Variants in NALF1 observed in about 807,000 individuals in gnomAD.
NALF1 encodes the protein NALCN channel auxiliary factor 1.
NALF1 carries 3 observed loss-of-function variants against 48.4 expected under a neutral mutation model. The ratio of observed to expected loss-of-function variants is 0.06; its 90% CI spans 0.03 to 0.16. The LOEUF is 0.16. Among genes scored for constraint, NALF1 ranks in the 10% least tolerant of loss-of-function variants. The pLI, the probability that NALF1 is intolerant of heterozygous loss-of-function variation, is 1.00. For missense variants in NALF1, 526 were observed against 571.5 expected, an observed-to-expected ratio of 0.92 and a Z score of 0.81; for synonymous variants, 262 against 245.7, an observed-to-expected ratio of 1.07 and a Z score of -0.62.
At chr13:107,191,265 A>G (rs1476781543) in intron 2 of NALF1, among the ~76,000 whole-genome samples, 1 of 67,764 alleles carries the variant, frequency 1.5e-5, no homozygotes, top group Non-Finnish European at 4.3e-5. Context: ...CTAAATAGTA[A>G]AAAAAAAAAA....
Position 107,164,519 on chromosome 13 carries a change from G to A in NALF1, c.*5978C>T, listed in dbSNP as rs1878620133. ...TATATATATTTTTTGATCTATGAGT[G>A]CCTTAAACAACCACTTTGAAGTTGC... is the stretch of plus-strand genomic sequence containing the variant. On this transcript the variant is annotated 3_prime_UTR_variant, in exon 3 of 3. Coordinates refer to ENST00000375915, the MANE Select transcript of NALF1 (RefSeq NM_001080396.3). 6.6e-6 allele frequency: 1 copy of A among 151,930 alleles called. No individual in the cohort carries two copies. 9.4% of individuals were successfully genotyped at this position (151,930 alleles called of 1,614,324 possible). A position where few individuals can be genotyped will look rare whatever the true frequency, so the allele number is the denominator to read the frequency against.
intron 1 of NALF1, among the ~76,000 whole-genome samples, chr13:107,309,510 G>C (rs949960310): frequency 5.3e-5 from 8 of 152,190 alleles, no homozygotes; most frequent in Admixed American, 5.2e-4. Context: ...TTTGATTCGG[G>C]AAAGTGTAAG....
intron 1 of NALF1, among the ~76,000 whole-genome samples, chr13:107,651,220 C>T (rs745836094): frequency 1.8e-4 from 27 of 152,196 alleles, no homozygotes; most frequent in Non-Finnish European, 1.3e-4. Flanking sequence ...TACATAACCT[C>T]TGGCCTTTGA....
chr13:107,300,421 T>C (rs1845646235), intron 1 of NALF1, among the ~76,000 whole-genome samples: 1 of 152,138 alleles, frequency 6.6e-6, no homozygotes, highest in Non-Finnish European at 1.5e-5. Context: ...TTAAACAAGG[T>C]GAGTTATCAT....
At chr13:107,201,075 C>T (rs1387645211) in intron 2 of NALF1, among the ~76,000 whole-genome samples, 1 of 152,194 alleles carries the variant, frequency 6.6e-6, no homozygotes, top group African/African-American at 2.4e-5. Context: ...TGGCTTTTGT[C>T]TCCAGTTCTC....
intron 1 of NALF1, among the ~76,000 whole-genome samples, chr13:107,640,833 G>C (rs571656705): frequency 1.3e-5 from 2 of 152,152 alleles, no homozygotes; most frequent in Admixed American, 6.5e-5. Context: ...GTTTCTCTTA[G>C]ATCTTGAGAC....
chr13:107,530,073 T>C (rs1876576603), intron 1 of NALF1, among the ~76,000 whole-genome samples: 1 of 152,078 alleles, frequency 6.6e-6, no homozygotes, highest in Non-Finnish European at 1.5e-5. Flanking sequence ...TATTCAGCAA[T>C]ATGGGCTCCC....
At chr13:107,823,525 C>T (rs1447692110) in intron 1 of NALF1, among the ~76,000 whole-genome samples, 1 of 152,190 alleles carries the variant, frequency 6.6e-6, no homozygotes, top group African/African-American at 2.4e-5. Flanking sequence ...TCCAGGCTCA[C>T]CTCTGCCAAG....
At chr13:107,562,588 A>C (rs1877679459) in intron 1 of NALF1, among the ~76,000 whole-genome samples, 1 of 152,160 alleles carries the variant, frequency 6.6e-6, no homozygotes, top group Admixed American at 6.5e-5. Context: ...CTGTGGATGG[A>C]TGTGGATCTT....
chr13:107,838,087 G>T (rs143475519), intron 1 of NALF1, among the ~76,000 whole-genome samples: 1 of 152,184 alleles, frequency 6.6e-6, no homozygotes, highest in African/African-American at 2.4e-5. Flanking sequence ...CTCGGCACAA[G>T]AAGTACTTGT....
intron 1 of NALF1, among the ~76,000 whole-genome samples, chr13:107,530,823 A>G (rs766142815): frequency 1.1e-4 from 16 of 152,122 alleles, no homozygotes; most frequent in Non-Finnish European, 1.3e-4. Context: ...TCTAAGTTAT[A>G]TATGAACTAT....
chr13:107,235,817 C>T (rs4442648), intron 1 of NALF1, among the ~76,000 whole-genome samples: 74,120 of 151,962 alleles, frequency 0.49, 19,075 homozygotes, highest in African/African-American at 0.65. Flanking sequence ...CAGAATTACA[C>T]GAAATCACAA....
rs541805096 is a variant in NALF1 at position 107,279,459 on chromosome 13, T to C, written c.916-68704A>G. On this transcript the variant is annotated intron_variant, in intron 1 of 2. Transcript: ENST00000375915. ...TTAGTAGAGACAGGGTTTCATCATA[T>C]TGGTCAGGCTGGTCTCAAACTCCTG... Among the ~76,000 whole-genome samples the C allele has an allele frequency of 2.6e-4, 39 of 152,296 alleles. No homozygotes were observed. The South Asian group carries it at 7.7e-3, about 30-fold the overall frequency.
At chr13:107,499,405 C>T (rs529652) in intron 1 of NALF1, among the ~76,000 whole-genome samples, 2,299 of 152,118 alleles carry the variant, frequency 0.015, 70 homozygotes, top group African/African-American at 0.053. Flanking sequence ...AGTGCCATTG[C>T]ACAATCATAG....
At chr13:107,262,459 T>C (rs1880947052) in intron 1 of NALF1, among the ~76,000 whole-genome samples, 1 of 152,238 alleles carries the variant, frequency 6.6e-6, no homozygotes, top group East Asian at 1.9e-4. Flanking sequence ...GCATTTCTTT[T>C]GGACGATGTT....
At chr13:107,587,146 G>A (rs558768945) in intron 1 of NALF1, among the ~76,000 whole-genome samples, 6 of 152,120 alleles carry the variant, frequency 3.9e-5, no homozygotes, top group African/African-American at 1.2e-4. Context: ...CAAAGTTCTT[G>A]AACATCAGTG....
chr13:107,253,921 T>G (rs1173795019), intron 1 of NALF1, among the ~76,000 whole-genome samples: 1 of 152,144 alleles, frequency 6.6e-6, no homozygotes, highest in East Asian at 1.9e-4. Flanking sequence ...TGTTGTACGA[T>G]GTAATCATGG....
In NALF1 at chr13:107,601,757, T is replaced by TA. The variant is rs536043319; in HGVS notation, c.915+263924dup. On this transcript the variant is annotated intron_variant, in intron 1 of 2. Coordinates refer to ENST00000375915, the MANE Select transcript of NALF1 (RefSeq NM_001080396.3). ...CAAAACAAAACACACACACACACAA[T>TA]AAAAAAAAATCACTATTGGTAGGAA... Among the ~76,000 whole-genome samples, 274 of 150,220 alleles carry TA rather than the reference T, an allele frequency of 1.8e-3. 1 individual carries two copies. The highest frequency in any genetic ancestry group is 5.6e-3 in the African/African-American group (231 of 40,918).
At chr13:107,859,978 T>C (rs887122551) in intron 1 of NALF1, among the ~76,000 whole-genome samples, 6 of 151,254 alleles carry the variant, frequency 4.0e-5, no homozygotes, top group African/African-American at 1.2e-4. Flanking sequence ...AATTCCACTA[T>C]GTAGCTTACA....
Sources: gnomAD v4.1 joint callset for allele counts (sites outside exome capture counted in the v4.1 genomes callset) on GRCh38, gnomAD v4.1.1 for gene constraint, MANE v1.5 for transcripts, NCBI Gene and HGNC (gene_info 2026-07-23, HGNC 2026-07-21) for gene names.